The following BANK1 variants were observed in gnomAD, a reference collection of about 807,000 sequenced individuals.
BANK1 encodes B-cell scaffold protein with ankyrin repeats.
BANK1 carries 95 observed loss-of-function variants against 94.5 expected under a neutral mutation model. The ratio of observed to expected loss-of-function variants is 1.00; its 90% CI spans 0.85 to 1.19. The LOEUF is 1.19. BANK1 is among the 50% of genes most tolerant of loss of function. The pLI is 0.00. For synonymous variants in BANK1, 334 were observed against 308.4 expected, an observed-to-expected ratio of 1.08 and a Z score of -0.87; for missense variants, 987 against 932.2, an observed-to-expected ratio of 1.06 and a Z score of -0.77.
chr4:101,940,781 A>G (rs980985762), intron 7 of BANK1, among the ~76,000 whole-genome samples: 17 of 151,756 alleles, frequency 1.1e-4, no homozygotes, highest in African/African-American at 3.9e-4. Flanking sequence ...GATATTTCCT[A>G]TCAACATAAC....
At chr4:101,989,520 C>T in intron 7 of BANK1, among the ~76,000 whole-genome samples, 1 of 147,012 alleles carries the variant, frequency 6.8e-6, no homozygotes, top group African/African-American at 2.5e-5. Context: ...ATTAATTAAT[C>T]TAAAGAACTT....
Position 101,809,416 on chromosome 4 carries a change from A to G in BANK1, c.70+18466A>G, listed in dbSNP as rs1725668156. On this transcript the variant is annotated intron_variant, in intron 1 of 16. Coordinates refer to ENST00000322953, the MANE Select transcript of BANK1 (RefSeq NM_017935.5). ...ACAGTGTACACTGCTTAGGTGATGGATGCACCAAAACCACTAAAGAACTTC... is the reference window on the plus strand; with the variant it reads ...ACAGTGTACACTGCTTAGGTGATGGGTGCACCAAAACCACTAAAGAACTTC... Among the ~76,000 whole-genome samples, 3 of 152,102 alleles carry G rather than the reference A, an allele frequency of 2.0e-5. No homozygotes were observed. In the South Asian group the frequency reaches 6.2e-4, roughly 31 times the overall value.
chr4:101,839,908 G>C (rs970414488), intron 2 of BANK1, among the ~76,000 whole-genome samples: 2 of 110,040 alleles, frequency 1.8e-5, no homozygotes, highest in Non-Finnish European at 3.8e-5. Flanking sequence ...TTCTTTCCAA[G>C]ATAGCTACTA....
In BANK1 at chr4:101,881,374, A is replaced by G. The variant is rs1393527094; in HGVS notation, c.903+10730A>G. 2.6e-5 allele frequency among the ~76,000 whole-genome samples: 4 copies of G among 152,178 alleles called. No individual in the cohort carries two copies. The East Asian group carries it at 7.7e-4, about 29-fold the overall frequency. ...TAGAGAAGTGCAAATCAAAACTACC[A>G]TGAGATATCATCTCACCCCAGTTAA... On this transcript the variant is annotated intron_variant, in intron 5 of 16. Coordinates refer to ENST00000322953, the MANE Select transcript of BANK1 (RefSeq NM_017935.5).
At chr4:101,839,951 T>A (rs1235395969) in intron 2 of BANK1, among the ~76,000 whole-genome samples, 1,047 of 29,454 alleles carry the variant, frequency 0.036, 62 homozygotes, top group African/African-American at 0.099. Context: ...TTTTTTTTTT[T>A]TTTTTTTTTT....
At chr4:102,007,092 A>AAAT (rs1726301299) in intron 7 of BANK1, among the ~76,000 whole-genome samples, 1 of 82,296 alleles carries the variant, frequency 1.2e-5, no homozygotes, top group Non-Finnish European at 2.6e-5. Flanking sequence ...ATATATATAT[A>AAAT]ATATATTTAT....
intron 7 of BANK1, among the ~76,000 whole-genome samples, chr4:102,005,464 G>A (rs1157682861): frequency 1.3e-5 from 2 of 152,114 alleles, no homozygotes; most frequent in African/African-American, 2.4e-5. Flanking sequence ...GCAGAAAAGA[G>A]AGATGTAAAC....
intron 6 of BANK1, among the ~76,000 whole-genome samples, chr4:101,899,591 G>T (rs752566879): frequency 6.6e-6 from 1 of 151,974 alleles, no homozygotes; most frequent in Non-Finnish European, 1.5e-5. Flanking sequence ...TGTTATTCAC[G>T]TTTACAGTGT....
intron 1 of BANK1, among the ~76,000 whole-genome samples, chr4:101,820,756 G>A (rs1256360449): frequency 1.3e-5 from 2 of 152,162 alleles, no homozygotes; most frequent in African/African-American, 4.8e-5. Flanking sequence ...TTAGTTTGCT[G>A]AGAATAATAG....
intron 8 of BANK1, among the ~76,000 whole-genome samples, chr4:102,022,097 T>C (rs1338828262): frequency 4.6e-5 from 7 of 152,082 alleles, no homozygotes; most frequent in Admixed American, 3.9e-4. Flanking sequence ...CATATATACA[T>C]GTATATATAA....
intron 2 of BANK1, among the ~76,000 whole-genome samples, chr4:101,844,262 A>G (rs893700083): frequency 6.6e-5 from 10 of 152,214 alleles, no homozygotes; most frequent in African/African-American, 2.4e-4. Flanking sequence ...GATAGGAAGG[A>G]TCTTCCACTA....
chr4:101,952,655 C>T (rs890634703), intron 7 of BANK1, among the ~76,000 whole-genome samples: 1 of 152,082 alleles, frequency 6.6e-6, no homozygotes, highest in African/African-American at 2.4e-5. Context: ...ATAATAGGTA[C>T]TTAGTAAGCA....
chr4:102,064,717 T>G (rs1001635826), intron 13 of BANK1, among the ~76,000 whole-genome samples: 4 of 152,190 alleles, frequency 2.6e-5, no homozygotes, highest in African/African-American at 9.6e-5. Context: ...AAGCAAGTGA[T>G]ATTAGGAGGC....
intron 10 of BANK1, among the ~76,000 whole-genome samples, chr4:102,038,527 A>G (rs1727597617): frequency 6.6e-6 from 1 of 152,176 alleles, no homozygotes; most frequent in Non-Finnish European, 1.5e-5. Flanking sequence ...GTCCAGTGCT[A>G]TACAAGCAAT....
intron 2 of BANK1, among the ~76,000 whole-genome samples, chr4:101,834,202 A>T (rs983413368): frequency 9.2e-5 from 14 of 152,146 alleles, no homozygotes; most frequent in African/African-American, 3.4e-4. Context: ...CTATGTCTTC[A>T]AATTATATTT....
At chr4:102,055,572 G>T (rs141523948) in intron 11 of BANK1, among the ~76,000 whole-genome samples, 4 of 151,878 alleles carry the variant, frequency 2.6e-5, no homozygotes, top group African/African-American at 9.7e-5. Context: ...GATGATATAC[G>T]TACATGCCAG....
chr4:101,922,494 T>A (rs1723031553), intron 7 of BANK1, among the ~76,000 whole-genome samples: 1 of 151,844 alleles, frequency 6.6e-6, no homozygotes, highest in Non-Finnish European at 1.5e-5. Context: ...GTGCTCAGCA[T>A]GTATTTTTCT....
intron 7 of BANK1, among the ~76,000 whole-genome samples, chr4:101,979,565 A>G (rs568793228): frequency 6.6e-6 from 1 of 151,884 alleles, no homozygotes; most frequent in African/African-American, 2.4e-5. Context: ...TTAATAAATT[A>G]TATGAAATTT....
chr4:101,882,158 G>T (rs1365968473), intron 5 of BANK1, among the ~76,000 whole-genome samples: 1 of 152,190 alleles, frequency 6.6e-6, no homozygotes, highest in South Asian at 2.1e-4. Context: ...CACGTTGTAT[G>T]CCTGTATCAA....
Sources: gnomAD v4.1 joint callset for allele counts (sites outside exome capture counted in the v4.1 genomes callset) on GRCh38, gnomAD v4.1.1 for gene constraint, MANE v1.5 for transcripts, NCBI Gene and HGNC (gene_info 2026-07-23, HGNC 2026-07-21) for gene names.